DLG2: variants seen among roughly 807,000 people sequenced by gnomAD.
DLG2 encodes the protein discs large MAGUK scaffold protein 2.
DLG2 carries 45 observed loss-of-function variants against 132.5 expected under a neutral mutation model. The observed-to-expected ratio is 0.34, with a 90% confidence interval of 0.27 to 0.44. The LOEUF (loss-of-function observed/expected upper bound fraction) is 0.44. Among genes scored for constraint, DLG2 ranks in the 20% least tolerant of loss-of-function variants. The probability of loss-of-function intolerance (pLI) is 1.00; values close to 1 mark genes in which losing one functional copy is unlikely to be tolerated. For synonymous variants in DLG2, 424 were observed against 419.6 expected (o/e 1.01, Z -0.13); for missense variants, 1,045 against 1,196.9 (o/e 0.87, Z 1.87).
At chr11:84,532,143 C>CTA (rs980729090) in intron 7 of DLG2, among the ~76,000 whole-genome samples, 1 of 30,524 alleles carries the variant, frequency 3.3e-5, no homozygotes, top group Non-Finnish European at 8.1e-5. Context: ...TTTTTTTTTA[C>CTA]TGTAACCGGG....
chr11:84,647,528 C>T (rs903649818), intron 6 of DLG2, among the ~76,000 whole-genome samples: 1 of 152,100 alleles, frequency 6.6e-6, no homozygotes, highest in African/African-American at 2.4e-5. Context: ...AAATTTTGTC[C>T]TGTGTAAATT....
At chr11:84,190,707 G>A (rs751141110) in intron 8 of DLG2, among the ~76,000 whole-genome samples, 1 of 152,164 alleles carries the variant, frequency 6.6e-6, no homozygotes, top group African/African-American at 2.4e-5. Context: ...CCTATTAGGA[G>A]ATGCACAATC....
At chr11:85,080,214 T>C (rs1210681446) in intron 6 of DLG2, among the ~76,000 whole-genome samples, 2 of 152,154 alleles carry the variant, frequency 1.3e-5, no homozygotes, top group East Asian at 3.9e-4. Context: ...GCATTAGCAA[T>C]GAAAATAAAC....
chr11:84,322,071 G>T (rs2098407860), intron 7 of DLG2, among the ~76,000 whole-genome samples: 2 of 152,304 alleles, frequency 1.3e-5, no homozygotes, highest in South Asian at 4.1e-4. Context: ...TCTCTTATTT[G>T]CAACTGCATC....
At chr11:84,392,234 C>G (rs916352675) in intron 7 of DLG2, among the ~76,000 whole-genome samples, 1 of 152,110 alleles carries the variant, frequency 6.6e-6, no homozygotes, top group African/African-American at 2.4e-5. Context: ...TTTTTGTTTT[C>G]CCCGCTAGCG....
At chr11:84,703,082 A>G (rs1409406203) in intron 6 of DLG2, among the ~76,000 whole-genome samples, 2 of 151,656 alleles carry the variant, frequency 1.3e-5, no homozygotes, top group African/African-American at 4.8e-5. Flanking sequence ...AAAATTCTTA[A>G]AAATAAAAAA....
At chr11:85,013,198 A>C (rs188054058) in intron 6 of DLG2, among the ~76,000 whole-genome samples, 63 of 152,256 alleles carry the variant, frequency 4.1e-4, no homozygotes, top group Admixed American at 4.1e-3. Context: ...TAGCACTTGT[A>C]GTATAGTAGC....
At chr11:84,165,670 C>G (rs1019913356) in intron 8 of DLG2, among the ~76,000 whole-genome samples, 6 of 152,070 alleles carry the variant, frequency 3.9e-5, no homozygotes, top group African/African-American at 1.4e-4. Context: ...GAGGCTGATG[C>G]AGGCAGATCA....
rs1465112397 is a variant in DLG2, at chr11:83,483,142, G to C, written c.2293+987C>G. 3 of 838,500 alleles carry C rather than the reference G, an allele frequency of 3.6e-6. No homozygotes were observed. In the Admixed American group the frequency reaches 6.0e-5, roughly 17 times the overall value. The allele number at this position is 838,500 out of a possible 1,614,324, so 51.9% of individuals were successfully genotyped here. On this transcript the variant is annotated intron_variant, in intron 22 of 27. Transcript: ENST00000376104. ...CACAGCTAGGTAACAAATAAAACTC[G>C]TATCTTGTGCATGCTAGGAGTGAAA...
At chr11:84,058,504 T>TAAAATAATA (rs372631929) in intron 11 of DLG2, among the ~76,000 whole-genome samples, 60,311 of 122,586 alleles carry the variant, frequency 0.49, 14,511 homozygotes, top group East Asian at 0.59. Context: ...AAAAAACAAA[T>TAAAATAATA]ACAATAATAA....
intron 7 of DLG2, among the ~76,000 whole-genome samples, chr11:84,331,987 C>T (rs979048780): frequency 3.3e-5 from 5 of 152,086 alleles, no homozygotes; most frequent in African/African-American, 9.7e-5. Context: ...TAGGACACAA[C>T]CAACAATAAA....
At chr11:84,750,426 A>C (rs916570095) in intron 6 of DLG2, among the ~76,000 whole-genome samples, 1 of 152,202 alleles carries the variant, frequency 6.6e-6, no homozygotes, top group African/African-American at 2.4e-5. Context: ...CAACTTTGTT[A>C]AGATTTGAGG....
rs540996320 is a variant in DLG2 at position 85,210,091 on chromosome 11, T to A, written c.187-55440A>T. On this transcript the variant is annotated intron_variant, in intron 4 of 27. Transcript: ENST00000376104. ...TCCCTACTTTATTCTGTCCTGAACT[T>A]TGATCATAATCTAATTAATTATTTA... Among the ~76,000 whole-genome samples the A allele has an allele frequency of 2.0e-5, 3 of 152,322 alleles. No homozygotes were observed. In the South Asian group the frequency reaches 6.2e-4, roughly 32 times the overall value.
intron 6 of DLG2, among the ~76,000 whole-genome samples, chr11:84,673,648 G>T (rs2099708354): frequency 6.6e-6 from 1 of 150,668 alleles, no homozygotes; most frequent in Non-Finnish European, 1.5e-5. Flanking sequence ...AATCACTAAT[G>T]TAGTGAAGAC....
intron 7 of DLG2, among the ~76,000 whole-genome samples, chr11:84,312,818 G>T (rs1230465234): frequency 1.3e-5 from 2 of 151,960 alleles, no homozygotes; most frequent in African/African-American, 2.4e-5. Context: ...ATTAGTAGTA[G>T]TATTATTTTC....
chr11:84,631,191 T>C (rs938279546), intron 6 of DLG2, among the ~76,000 whole-genome samples: 1 of 152,066 alleles, frequency 6.6e-6, no homozygotes, highest in Non-Finnish European at 1.5e-5. Context: ...AGATTATGTG[T>C]GCTCCTTATG....
chr11:84,269,429 C>T (rs189642064), intron 7 of DLG2, among the ~76,000 whole-genome samples: 43 of 152,322 alleles, frequency 2.8e-4, no homozygotes, highest in Non-Finnish European at 4.6e-4. Context: ...CGTCAAAATT[C>T]TGTTTAACCT....
At chr11:84,579,146 T>G (rs1304010406) in intron 6 of DLG2, among the ~76,000 whole-genome samples, 1 of 151,834 alleles carries the variant, frequency 6.6e-6, no homozygotes, top group Non-Finnish European at 1.5e-5. Flanking sequence ...TATATCTTTA[T>G]CAGCAGCATG....
chr11:85,227,933 T>C (rs1439695319), intron 4 of DLG2, among the ~76,000 whole-genome samples: 1 of 152,110 alleles, frequency 6.6e-6, no homozygotes, highest in Non-Finnish European at 1.5e-5. Context: ...ATGTTGTCTC[T>C]ACCCAGGACA....
Sources: gnomAD v4.1 joint callset for allele counts (sites outside exome capture counted in the v4.1 genomes callset) on GRCh38, gnomAD v4.1.1 for gene constraint, MANE v1.5 for transcripts, NCBI Gene and HGNC (gene_info 2026-07-23, HGNC 2026-07-21) for gene names.